The following NAALADL2 variants were observed in gnomAD, a reference collection of about 807,000 sequenced individuals.
The protein encoded by NAALADL2 is inactive N-acetylated-alpha-linked acidic dipeptidase-like protein 2.
NAALADL2 carries 76 observed loss-of-function variants against 87.2 expected under a neutral mutation model. The ratio of observed to expected loss-of-function variants is 0.87; its 90% CI spans 0.72 to 1.05. NAALADL2 has a LOEUF of 1.05. NAALADL2 is among the 50% of genes least tolerant of loss of function. The probability of loss-of-function intolerance (pLI) is 0.00; values close to 1 mark genes in which losing one functional copy is unlikely to be tolerated. For missense variants in NAALADL2, 1,089 were observed against 945.8 expected, an observed-to-expected ratio of 1.15 and a Z score of -1.99; for synonymous variants, 354 against 331.0, an observed-to-expected ratio of 1.07 and a Z score of -0.75.
At chr3:174,948,234 T>G (rs1180953539) in intron 1 of NAALADL2, among the ~76,000 whole-genome samples, 2 of 152,140 alleles carry the variant, frequency 1.3e-5, no homozygotes, top group East Asian at 1.9e-4. Flanking sequence ...TGGAGTGCAT[T>G]GGCTTGATCT....
chr3:175,400,222 A>C (rs1003344845), intron 5 of NAALADL2, among the ~76,000 whole-genome samples: 1 of 152,228 alleles, frequency 6.6e-6, no homozygotes, highest in South Asian at 2.1e-4. Flanking sequence ...TCATGCTAGG[A>C]TAATTTGTCC....
At chr3:175,685,867 C>T (rs1736218097) in intron 11 of NAALADL2, among the ~76,000 whole-genome samples, 1 of 152,192 alleles carries the variant, frequency 6.6e-6, no homozygotes, top group African/African-American at 2.4e-5. Flanking sequence ...GGCCCACCTA[C>T]ATTAGGAAAG....
At chr3:174,747,053 G>A (rs1734326434) in intron 3 of NAALADL2, among the ~76,000 whole-genome samples, 1 of 152,098 alleles carries the variant, frequency 6.6e-6, no homozygotes, top group Admixed American at 6.6e-5. Context: ...AAAAGCAATT[G>A]CAACAAAAGC....
At chr3:175,540,097 A>G (rs1712042130) in intron 9 of NAALADL2, among the ~76,000 whole-genome samples, 1 of 152,190 alleles carries the variant, frequency 6.6e-6, no homozygotes, top group Non-Finnish European at 1.5e-5. Flanking sequence ...TGACACAGAA[A>G]TAGGGGATTA....
intron 1 of NAALADL2, among the ~76,000 whole-genome samples, chr3:174,517,019 T>C (rs1205144063): frequency 6.6e-6 from 1 of 151,972 alleles, no homozygotes; most frequent in Non-Finnish European, 1.5e-5. Flanking sequence ...CAGGAATAAA[T>C]TGCGAAAAGC....
At chr3:175,512,288 G>A (rs1731265444) in intron 9 of NAALADL2, among the ~76,000 whole-genome samples, 1 of 152,128 alleles carries the variant, frequency 6.6e-6, no homozygotes, top group South Asian at 2.1e-4. Context: ...AACTTCTGGA[G>A]CATTTTCATA....
rs765233495 is a variant in NAALADL2 at position 174,797,298 on chromosome 3, C to CTTTTTTTTTT, written c.-9+59558_-9+59559insTTTTTTTTTT. Among the ~76,000 whole-genome samples the CTTTTTTTTTT allele has an allele frequency of 7.0e-4, 68 of 97,704 alleles. 4 individuals carry two copies. The highest frequency in any genetic ancestry group is 1.7e-3 in the East Asian group (5 of 2,928). 64.1% of individuals were successfully genotyped at this position (97,704 alleles called of 152,430 possible). ...CTGGGATCTTTTTTCTTTTGTTTTTCTTTTTTCTTTTTTTTTTTTTTTTTT... is the reference window on the plus strand; with the variant it reads ...CTGGGATCTTTTTTCTTTTGTTTTTCTTTTTTTTTTTTTTTTCTTTTTTTTTTTTTTTTTT... On this transcript the variant is annotated intron_variant, in intron 3 of 3. Coordinates refer to the NAALADL2 transcript ENST00000434257.
intron 2 of NAALADL2, among the ~76,000 whole-genome samples, chr3:174,570,041 G>C (rs537062743): frequency 2.6e-5 from 4 of 152,132 alleles, no homozygotes; most frequent in African/African-American, 9.6e-5. Flanking sequence ...GAGACTTCTT[G>C]CTTTGCATCT....
intron 5 of NAALADL2, among the ~76,000 whole-genome samples, chr3:175,344,866 T>G (rs16825479): frequency 0.41 from 61,593 of 152,080 alleles, 13,530 homozygotes; most frequent in East Asian, 0.66. Context: ...AAGTATTTAC[T>G]CTTACAACTT....
chr3:175,395,266 C>T (rs558127569), intron 5 of NAALADL2, among the ~76,000 whole-genome samples: 1 of 152,158 alleles, frequency 6.6e-6, no homozygotes, highest in Non-Finnish European at 1.5e-5. Context: ...GAAGAGTGTA[C>T]AATTAAAAAC....
At chr3:175,674,280 G>A (rs1174176722) in intron 11 of NAALADL2, among the ~76,000 whole-genome samples, 2 of 147,480 alleles carry the variant, frequency 1.4e-5, no homozygotes, top group African/African-American at 5.1e-5. Context: ...TTTTTTTTGA[G>A]TTGGAGTCTA....
intron 5 of NAALADL2, 148 bp downstream of exon 5, chr3:175,324,473 T>G (rs1760436064): frequency 3.1e-6 from 2 of 646,502 alleles, no homozygotes; most frequent in African/African-American, 1.9e-5. Flanking sequence ...ATTTTTTATC[T>G]TCTCATAATT....
At chr3:174,758,723 T>C (rs1712474287) in intron 3 of NAALADL2, among the ~76,000 whole-genome samples, 3 of 152,206 alleles carry the variant, frequency 2.0e-5, no homozygotes, top group Admixed American at 1.3e-4. Context: ...CATTAAACTA[T>C]GGAGATGTAC....
At chr3:175,081,269 AAC>A (rs1300246927) in intron 1 of NAALADL2, 2 of 152,242 alleles carry the variant, frequency 1.3e-5, no homozygotes, top group Non-Finnish European at 2.9e-5. Context: ...TGATAAATAT[AAC>A]ACAGTGTAAT....
chr3:175,474,224 G>A (rs1035943976), intron 9 of NAALADL2, among the ~76,000 whole-genome samples: 4 of 151,988 alleles, frequency 2.6e-5, no homozygotes, highest in African/African-American at 7.2e-5. Context: ...CCTTTGTATA[G>A]CAATATGTAG....
intron 11 of NAALADL2, among the ~76,000 whole-genome samples, chr3:175,709,878 A>C (rs568581619): frequency 1.6e-4 from 24 of 152,224 alleles, no homozygotes; most frequent in African/African-American, 5.5e-4. Flanking sequence ...ATCTTGACAA[A>C]AATGATGTCT....
At chr3:174,679,013 G>A (rs142302136) in intron 2 of NAALADL2, among the ~76,000 whole-genome samples, 9 of 152,140 alleles carry the variant, frequency 5.9e-5, no homozygotes, top group Admixed American at 1.3e-4. Flanking sequence ...TTACTGTGCT[G>A]TGTCTAGATA....
At chr3:175,799,968 G>C (rs184789197) in intron 13 of NAALADL2, among the ~76,000 whole-genome samples, 1 of 152,122 alleles carries the variant, frequency 6.6e-6, no homozygotes, top group Non-Finnish European at 1.5e-5. Flanking sequence ...AAAATTTTCC[G>C]AGTATACAGG....
At chr3:174,966,053 A>G (rs533382575) in intron 1 of NAALADL2, among the ~76,000 whole-genome samples, 72 of 152,286 alleles carry the variant, frequency 4.7e-4, no homozygotes, top group South Asian at 4.1e-3. Context: ...CAGTCAGCAC[A>G]TTTATAAGAT....
Sources: gnomAD v4.1 joint callset for allele counts (sites outside exome capture counted in the v4.1 genomes callset) on GRCh38, gnomAD v4.1.1 for gene constraint, MANE v1.5 for transcripts, NCBI Gene and HGNC (gene_info 2026-07-23, HGNC 2026-07-21) for gene names.